Variants in PAH observed in about 807,000 individuals in gnomAD.
PAH encodes the protein phenylalanine hydroxylase.
A neutral mutation model predicts 62.0 loss-of-function variants in PAH; 64 were observed. That is an observed-to-expected ratio of 1.03 (90% confidence interval 0.84 to 1.27). The LOEUF (loss-of-function observed/expected upper bound fraction) is 1.27, where lower values mean the gene tolerates loss of function less well. Ranked by LOEUF, PAH falls within the 50% of genes most tolerant of loss-of-function variation. The pLI, the probability that PAH is intolerant of heterozygous loss-of-function variation, is 0.00. For missense variants in PAH, 579 were observed against 542.8 expected (o/e 1.07, Z -0.66); for synonymous variants, 195 against 196.2 (o/e 0.99, Z 0.05).
intron 3 of PAH, among the ~76,000 whole-genome samples, chr12:102,892,630 C>T (rs556371323): frequency 6.6e-6 from 1 of 152,156 alleles, no homozygotes; most frequent in Non-Finnish European, 1.5e-5. Flanking sequence ...GCTATCAAGT[C>T]ACAGAAAGAC....
At chr12:102,958,081 G>C in intron 1 of PAH, 1 of 483,510 alleles carries the variant, frequency 2.1e-6, no homozygotes, top group Non-Finnish European at 3.4e-6. Context: ...GTCTCCCGGG[G>C]ATTTTGTATA....
At chr12:102,895,051 T>G in intron 2 of PAH, 133 bp from the exon 3 acceptor site, 1 of 737,498 alleles carries the variant, frequency 1.4e-6, no homozygotes, top group Admixed American at 2.6e-5. Flanking sequence ...TATAAGAGTA[T>G]AAAAAAGTCC....
intron 3 of PAH, among the ~76,000 whole-genome samples, chr12:102,885,860 G>A (rs1877020133): frequency 6.6e-6 from 1 of 152,196 alleles, no homozygotes; most frequent in Non-Finnish European, 1.5e-5. Context: ...GTCTCAGAGA[G>A]AGCAATAAAT....
Position 102,906,654 on chromosome 12 carries a change from C to T in PAH, c.168+6137G>A, listed in dbSNP as rs550444745. Among the ~76,000 whole-genome samples, 227 of 151,220 alleles carry T rather than the reference C, an allele frequency of 1.5e-3. 2 individuals carry two copies. The highest frequency in any genetic ancestry group is 1.7e-3 in the Non-Finnish European group (115 of 68,000). ...CTGAGGGCACATTAAGTGATTTAAT[C>T]TTTAGATCACATGCATTAAGTGATT... On this transcript the variant is annotated intron_variant, in intron 2 of 12. Coordinates refer to ENST00000553106, the MANE Select transcript of PAH (RefSeq NM_000277.3).
intron 4 of PAH, 21 bp downstream of exon 4, chr12:102,877,441 T>C (rs772745652): frequency 6.3e-7 from 1 of 1,587,908 alleles, no homozygotes; most frequent in Admixed American, 1.7e-5. Context: ...AAAAATCTCA[T>C]CCTACGGGCC....
chr12:102,844,188 C>T, intron 10 of PAH, 148 bp downstream of exon 10: 1 of 689,488 alleles, frequency 1.5e-6, no homozygotes, highest in South Asian at 1.6e-5. Flanking sequence ...CAAATCATAG[C>T]TGCTAAGGTA....
At chr12:102,905,722 G>T (rs1434557506) in intron 2 of PAH, among the ~76,000 whole-genome samples, 1 of 151,806 alleles carries the variant, frequency 6.6e-6, no homozygotes, top group African/African-American at 2.4e-5. Context: ...TTCATGTGAA[G>T]TGATAACACA....
chr12:102,852,054 G>C (rs1455390696), intron 7 of PAH: 1 of 404,030 alleles, frequency 2.5e-6, no homozygotes, highest in Non-Finnish European at 4.6e-6. Context: ...CTGTGGACAT[G>C]CTCCCATATA....
At chr12:102,942,930 G>T (rs1479256174) in intron 1 of PAH, among the ~76,000 whole-genome samples, 3 of 151,846 alleles carry the variant, frequency 2.0e-5, no homozygotes, top group Non-Finnish European at 2.9e-5. Flanking sequence ...ATGATTAAAA[G>T]ACCTAAAACT....
At chr12:102,866,800 C>T (rs1875993634) in intron 4 of PAH, 137 bp from the exon 5 acceptor site, 1 of 756,092 alleles carries the variant, frequency 1.3e-6, no homozygotes, top group Non-Finnish European at 2.4e-6. Context: ...AAACTAAAGT[C>T]TCGGTTAAAC....
rs756373918 is a variant in PAH, at chr12:102,877,586, T to C, written c.353-36A>G. 62 of 1,514,980 alleles carry C rather than the reference T, an allele frequency of 4.1e-5. No homozygotes were observed. In the Admixed American group the frequency reaches 7.8e-4, roughly 19 times the overall value. The allele number at this position is 1,514,980 out of a possible 1,614,324, so 93.8% of individuals were successfully genotyped here. A position where few individuals can be genotyped will look rare whatever the true frequency, so the allele number is the denominator to read the frequency against. On this transcript the variant is annotated intron_variant, in intron 3 of 12. Transcript: ENST00000553106. ...GAGAAGGCAACGTCCTGAGTACAGA[T>C]TGGCAGAACATGGCCAAAGGCCTTG...
At chr12:102,936,183 G>C (rs894723574) in intron 1 of PAH, among the ~76,000 whole-genome samples, 2 of 151,976 alleles carry the variant, frequency 1.3e-5, no homozygotes, top group East Asian at 1.9e-4. Context: ...CCATGTGTTT[G>C]TGTAGTTTCC....
At chr12:102,839,622 AT>A (rs1408464788) in intron 12 of PAH, among the ~76,000 whole-genome samples, 1 of 152,236 alleles carries the variant, frequency 6.6e-6, no homozygotes, top group Non-Finnish European at 1.5e-5. Flanking sequence ...GTTATCACAA[AT>A]TTGGTAAATT....
chr12:102,894,949 C>T (rs1877441053), intron 2 of PAH, 31 bp from the exon 3 acceptor site: 2 of 1,565,908 alleles, frequency 1.3e-6, no homozygotes, highest in Non-Finnish European at 1.8e-6. Flanking sequence ...GGTGAGGAGA[C>T]AGTCACTGGA....
chr12:102,895,869 AATATATATAT>A (rs1555208128), intron 2 of PAH, among the ~76,000 whole-genome samples: 1 of 118,744 alleles, frequency 8.4e-6, no homozygotes, highest in Non-Finnish European at 1.7e-5. Context: ...AAAAAAAAAA[AATATATATAT>A]ATATATATAT....
intron 1 of PAH, among the ~76,000 whole-genome samples, chr12:102,938,524 C>A (rs938547987): frequency 2.0e-5 from 3 of 152,188 alleles, no homozygotes; most frequent in Non-Finnish European, 4.4e-5. Flanking sequence ...AAGGGACAGA[C>A]TGCAAGCCTC....
rs193105230 is a variant in PAH at position 102,847,903 on chromosome 12, C to A, written c.913-952G>T. 2.6e-3 allele frequency among the ~76,000 whole-genome samples: 392 copies of A among 152,228 alleles called. 3 individuals carry two copies. The South Asian group carries it at 0.038, about 15-fold the overall frequency. On this transcript the variant is annotated intron_variant, in intron 8 of 12. Coordinates refer to ENST00000553106, the MANE Select transcript of PAH (RefSeq NM_000277.3). ...GCATTTCTTTCCCAAGAAAAGGCAG[C>A]GTTGTTTGGGTCAAGACACAGGGAG...
intron 8 of PAH, among the ~76,000 whole-genome samples, chr12:102,849,179 T>C (rs1268390255): frequency 1.3e-5 from 2 of 152,188 alleles, no homozygotes; most frequent in Admixed American, 6.5e-5. Context: ...CAGGATTTTC[T>C]GAAAGATTGG....
chr12:102,860,214 G>T (rs932224139), intron 5 of PAH, among the ~76,000 whole-genome samples: 4 of 152,106 alleles, frequency 2.6e-5, no homozygotes, highest in African/African-American at 9.7e-5. Context: ...AATCATGAGG[G>T]AACTCCCATT....
Sources: gnomAD v4.1 joint callset for allele counts (sites outside exome capture counted in the v4.1 genomes callset) on GRCh38, gnomAD v4.1.1 for gene constraint, MANE v1.5 for transcripts, NCBI Gene and HGNC (gene_info 2026-07-23, HGNC 2026-07-21) for gene names.